Variants in NR3C1 observed in about 807,000 individuals in gnomAD.
The protein encoded by NR3C1 is nuclear receptor subfamily 3 group C member 1, also known as glucocorticoid receptor.
NR3C1 carries 14 observed loss-of-function variants against 74.0 expected under a neutral mutation model. That is an observed-to-expected ratio of 0.19 (90% CI 0.12 to 0.30). NR3C1 has a LOEUF of 0.30. NR3C1 is among the 10% of genes least tolerant of loss of function. NR3C1 has a pLI of 1.00. For synonymous variants in NR3C1, 308 were observed against 332.5 expected, an observed-to-expected ratio of 0.93 and a Z score of 0.80; for missense variants, 695 against 909.8, an observed-to-expected ratio of 0.76 and a Z score of 3.04.
At chr5:143,372,551 C>A (rs137876218) in intron 2 of NR3C1, among the ~76,000 whole-genome samples, 3 of 152,154 alleles carry the variant, frequency 2.0e-5, no homozygotes, top group Admixed American at 2.0e-4. Flanking sequence ...CAGTTGACTG[C>A]GGGTAACTGA....
At chr5:143,397,659 T>C (rs181836532) in intron 2 of NR3C1, among the ~76,000 whole-genome samples, 14 of 152,030 alleles carry the variant, frequency 9.2e-5, no homozygotes, top group East Asian at 7.7e-4. Context: ...CAATCACAGA[T>C]TGGCATAAAA....
At chr5:143,343,877 G>C (rs1828709806) in intron 2 of NR3C1, among the ~76,000 whole-genome samples, 1 of 152,050 alleles carries the variant, frequency 6.6e-6, no homozygotes, top group Non-Finnish European at 1.5e-5. Flanking sequence ...GCAAATTATA[G>C]AGATTAAATA....
At chr5:143,359,578 A>G (rs1393007778) in intron 2 of NR3C1, among the ~76,000 whole-genome samples, 10 of 152,198 alleles carry the variant, frequency 6.6e-5, no homozygotes, top group Admixed American at 2.0e-4. Context: ...GCTGCTAATA[A>G]ATGTACTAAA....
chr5:143,333,881 G>C (rs1375913926), intron 2 of NR3C1, among the ~76,000 whole-genome samples: 1 of 152,182 alleles, frequency 6.6e-6, no homozygotes, highest in Non-Finnish European at 1.5e-5. Flanking sequence ...TTGAAGATGT[G>C]AATCATCTAT....
Position 143,400,498 on chromosome 5 carries a change from C to T in NR3C1, c.342G>A (p.Ser114=), listed in dbSNP as rs368981304. The T allele has an allele frequency of 1.9e-6, 3 of 1,614,086 alleles. No homozygotes were observed. The highest frequency in any genetic ancestry group is 2.7e-5 in the African/African-American group (2 of 74,918). The change falls in exon 2 of 9, where the codon TCG becomes TCA. Residue 114 remains serine (S), a synonymous_variant. Transcript: ENST00000394464. ...FPQQGQISLS[S]GETDLKLLEE... ...CCAAAAGCTTTAAGTCTGTTTCCCC[C>T]GAGGAAAGGCTGATTTGGCCCTGCT...
chr5:143,314,685 T>C (rs917278329), intron 2 of NR3C1, among the ~76,000 whole-genome samples: 6 of 152,178 alleles, frequency 3.9e-5, no homozygotes, highest in Non-Finnish European at 8.8e-5. Context: ...TTCAATCAAG[T>C]GTCATTACAA....
At chr5:143,331,751 A>G (rs1825985589) in intron 2 of NR3C1, among the ~76,000 whole-genome samples, 1 of 152,198 alleles carries the variant, frequency 6.6e-6, no homozygotes, top group Non-Finnish European at 1.5e-5. Flanking sequence ...ACAGGGACAC[A>G]AAGAAGGGAA....
chr5:143,402,593 C>G, intron 1 of NR3C1: 1 of 985,326 alleles, frequency 1.0e-6, no homozygotes, highest in Non-Finnish European at 1.2e-6. Flanking sequence ...AAGAGAAGTA[C>G]GTCCAGACCT....
Position 143,280,679 on chromosome 5 carries a change from T to C in NR3C1, c.*1210A>G, listed in dbSNP as rs1188793868. The C allele has an allele frequency of 6.6e-6, 1 of 152,580 alleles. No homozygotes were observed. Among genetic ancestry groups the C allele is most frequent in the Non-Finnish European group, 1.5e-5 (1 of 68,020 alleles). The allele number at this position is 152,580 out of a possible 1,614,324, so 9.5% of individuals were successfully genotyped here. A position where few individuals can be genotyped will look rare whatever the true frequency, so the allele number is the denominator to read the frequency against. Reference sequence around the variant, plus strand: ...AATCACAAAAATCAGTAGCTGAGCTTTCCTGTACCATCAGGAAAGATTAAC... The same window carrying C: ...AATCACAAAAATCAGTAGCTGAGCTCTCCTGTACCATCAGGAAAGATTAAC... On this transcript the variant is annotated 3_prime_UTR_variant, in exon 9 of 9. Transcript: ENST00000394464.
chr5:143,404,857 CA>C (rs1840989503), upstream of NR3C1, among the ~76,000 whole-genome samples: 1 of 152,194 alleles, frequency 6.6e-6, no homozygotes, highest in South Asian at 2.1e-4. Flanking sequence ...CGAATCTTGA[CA>C]TTTGCTGCCC....
intron 2 of NR3C1, among the ~76,000 whole-genome samples, chr5:143,398,802 T>C (rs528487106): frequency 6.6e-6 from 1 of 152,284 alleles, no homozygotes; most frequent in African/African-American, 2.4e-5. Context: ...TTTCTGATAA[T>C]TCCATTTTCT....
At chr5:143,339,188 A>G (rs978412554) in intron 2 of NR3C1, among the ~76,000 whole-genome samples, 2 of 152,212 alleles carry the variant, frequency 1.3e-5, no homozygotes, top group African/African-American at 4.8e-5. Context: ...TAAGCAATAC[A>G]TGACTGCATA....
chr5:143,434,943 GTC>G (rs1314468259), exon 1 of NR3C1: 7 of 985,194 alleles, frequency 7.1e-6, no homozygotes, highest in African/African-American at 5.2e-5. Context: ...AGAAGATCCT[GTC>G]TCTCGGGTAT....
chr5:143,433,452 TTATA>T (rs70995004), intron 1 of NR3C1, among the ~76,000 whole-genome samples: 44,042 of 116,780 alleles, frequency 0.38, 9,411 homozygotes, highest in Non-Finnish European at 0.46. Context: ...TTTATTTAAA[TTATA>T]TATATATATA....
chr5:143,332,098 A>G (rs545944135), intron 2 of NR3C1, among the ~76,000 whole-genome samples: 1 of 152,346 alleles, frequency 6.6e-6, no homozygotes, highest in Admixed American at 6.5e-5. Flanking sequence ...TATTTTAAGG[A>G]CAAGTCATTA....
intron 1 of NR3C1, chr5:143,402,705 C>T (rs1450344348): frequency 2.0e-6 from 2 of 985,314 alleles, no homozygotes; most frequent in Non-Finnish European, 2.4e-6. Context: ...TGCACCCTCA[C>T]GCGCCCCGCA....
chr5:143,385,221 G>A (rs1003067762), intron 2 of NR3C1, among the ~76,000 whole-genome samples: 23 of 152,172 alleles, frequency 1.5e-4, no homozygotes, highest in Admixed American at 1.3e-3. Flanking sequence ...CCTGGCCCAC[G>A]AAACCATTTT....
In NR3C1 at chr5:143,279,620, TAAC is replaced by T. The variant is rs1812807322; in HGVS notation, c.*2266_*2268del. 2.2e-6 allele frequency: 1 copy of T among 458,112 alleles called. No individual in the cohort carries two copies. The highest frequency in any genetic ancestry group is 3.7e-5 in the East Asian group (1 of 26,768). 28.4% of individuals were successfully genotyped at this position (458,112 alleles called of 1,614,324 possible). On this transcript the variant is annotated 3_prime_UTR_variant, in exon 9 of 9. Transcript: ENST00000394464. ...AATAATTTCTCCAAAATACTGAAAA[TAAC>T]AAATAACATTCAAAAAGCATTCAAA...
At chr5:143,344,893 A>C (rs1276721863) in intron 2 of NR3C1, among the ~76,000 whole-genome samples, 1 of 151,762 alleles carries the variant, frequency 6.6e-6, no homozygotes. Flanking sequence ...CTCACCCCCC[A>C]CAAAAAAAAG....
Sources: allele counts gnomAD v4.1 joint callset (sites outside exome capture counted in the v4.1 genomes callset), GRCh38; gene constraint gnomAD v4.1.1; transcripts MANE v1.5; gene names NCBI Gene and HGNC (gene_info 2026-07-23, HGNC 2026-07-21).